Variants in C2CD5 observed in about 807,000 individuals in gnomAD.
C2CD5 encodes the protein C2 calcium dependent domain containing 5.
Under a neutral mutation model 130.3 loss-of-function variants are expected in C2CD5, and 109 were observed. The observed-to-expected ratio is 0.84, with a 90% confidence interval of 0.72 to 0.98. The LOEUF (loss-of-function observed/expected upper bound fraction) is 0.98. Ranked by LOEUF, C2CD5 falls within the 50% of genes least tolerant of loss-of-function variation. C2CD5 has a pLI of 0.00. For synonymous variants in C2CD5, 454 were observed against 429.2 expected (o/e 1.06, Z -0.71); for missense variants, 996 against 1,261.8 (o/e 0.79, Z 3.19).
At chr12:22,509,635 A>G (rs781042778) in intron 9 of C2CD5, among the ~76,000 whole-genome samples, 1 of 152,248 alleles carries the variant, frequency 6.6e-6, no homozygotes, top group Non-Finnish European at 1.5e-5. Context: ...TGAAATCTAT[A>G]GCAGATTGTT....
In C2CD5 at chr12:22,493,408, A is replaced by C; in HGVS notation, c.1148-71T>G. 5.2e-6 allele frequency: 4 copies of C among 763,224 alleles called. No individual in the cohort carries two copies. The South Asian group carries it at 7.7e-5, about 15-fold the overall frequency. 47.3% of individuals were successfully genotyped at this position (763,224 alleles called of 1,614,324 possible). On this transcript the variant is annotated intron_variant, in intron 10 of 26. Coordinates refer to ENST00000446597, the MANE Select transcript of C2CD5 (RefSeq NM_001286176.2). ...TATATATGAACATGAAATGTTTAAA[A>C]TAAACATACTATGGGAAGTAAAGAA...
chr12:22,481,944 A>AT (rs1390625843), intron 14 of C2CD5, among the ~76,000 whole-genome samples: 1 of 151,566 alleles, frequency 6.6e-6, no homozygotes, highest in Non-Finnish European at 1.5e-5. Flanking sequence ...AAACACCTGT[A>AT]TTTTATTACA....
intron 26 of C2CD5, among the ~76,000 whole-genome samples, chr12:22,452,956 A>G (rs1939020952): frequency 1.3e-5 from 2 of 152,206 alleles, no homozygotes; most frequent in Non-Finnish European, 2.9e-5. Flanking sequence ...AACTGCTTAT[A>G]TATTTATGAC....
intron 20 of C2CD5, 100 bp downstream of exon 20, chr12:22,471,299 A>G (rs1591982369): frequency 4.4e-6 from 3 of 688,188 alleles, no homozygotes; most frequent in Non-Finnish European, 5.1e-6. Flanking sequence ...GAGGTAAACT[A>G]GTATATGTTT....
At position 22,535,462 on chromosome 12, in the gene C2CD5, C is replaced by T. The variant is rs959091943; in HGVS notation, c.91-118G>A. On this transcript the variant is annotated intron_variant, in intron 2 of 26. Coordinates refer to ENST00000446597, the MANE Select transcript of C2CD5 (RefSeq NM_001286176.2). ...ATAAAGGGGACAAAAGACTATTATCCTCTGGGACAAAGGGAAGAAGGTACA... is the reference window on the plus strand; with the variant it reads ...ATAAAGGGGACAAAAGACTATTATCTTCTGGGACAAAGGGAAGAAGGTACA... 28 of 627,472 alleles carry T rather than the reference C, an allele frequency of 4.5e-5. No individual in the cohort carries two copies. The African/African-American group carries it at 5.2e-4, about 12-fold the overall frequency. 38.9% of individuals were successfully genotyped at this position (627,472 alleles called of 1,614,324 possible). A position where few individuals can be genotyped will look rare whatever the true frequency, so the allele number is the denominator to read the frequency against.
intron 25 of C2CD5, among the ~76,000 whole-genome samples, chr12:22,454,372 C>A (rs983150969): frequency 7.9e-5 from 12 of 152,168 alleles, no homozygotes; most frequent in Non-Finnish European, 1.5e-5. Context: ...CCTTCAACAT[C>A]TCCATCATAT....
intron 3 of C2CD5, among the ~76,000 whole-genome samples, chr12:22,528,434 G>T (rs1367017873): frequency 1.3e-5 from 2 of 152,150 alleles, no homozygotes; most frequent in Non-Finnish European, 2.9e-5. Flanking sequence ...GTTATCATAT[G>T]CCAAACACTG....
intron 7 of C2CD5, chr12:22,519,262 T>C: frequency 6.5e-7 from 1 of 1,531,846 alleles, no homozygotes; most frequent in Non-Finnish European, 8.7e-7. Context: ...GTGGTCAAAG[T>C]GGAAGAAAAG....
chr12:22,465,266 A>T (rs941051448), intron 22 of C2CD5, among the ~76,000 whole-genome samples: 7 of 150,076 alleles, frequency 4.7e-5, no homozygotes, highest in African/African-American at 9.9e-5. Flanking sequence ...GGTGGGTATT[A>T]AAAAAAAAGA....
chr12:22,516,266 A>C (rs1949712514), intron 8 of C2CD5, among the ~76,000 whole-genome samples: 1 of 151,914 alleles, frequency 6.6e-6, no homozygotes. Context: ...TGAAGTCTCC[A>C]TGAGAAATAG....
intron 5 of C2CD5, among the ~76,000 whole-genome samples, chr12:22,525,049 T>A (rs373636777): frequency 1.3e-5 from 2 of 152,336 alleles, no homozygotes; most frequent in South Asian, 4.1e-4. Context: ...GTACACCACA[T>A]AGCAGTTTCA....
intron 9 of C2CD5, 136 bp downstream of exon 9, chr12:22,513,158 C>T (rs1037198411): frequency 1.5e-5 from 8 of 539,010 alleles, no homozygotes; most frequent in African/African-American, 1.3e-4. Flanking sequence ...CACCTTAAAT[C>T]CATTTTGGAC....
intron 12 of C2CD5, 132 bp from the exon 13 acceptor site, chr12:22,485,020 A>G: frequency 2.3e-6 from 1 of 432,562 alleles, no homozygotes; most frequent in East Asian, 3.5e-5. Flanking sequence ...GTAGGCTACA[A>G]AAGTACCACT....
chr12:22,456,873 G>GT (rs1411327233), intron 25 of C2CD5, 98 bp downstream of exon 25: 4 of 671,980 alleles, frequency 6.0e-6, no homozygotes, highest in Non-Finnish European at 1.0e-5. Flanking sequence ...ATAAATATTT[G>GT]TAAGTTTTTG....
At chr12:22,465,518 GAAGT>G (rs904652133) in intron 22 of C2CD5, among the ~76,000 whole-genome samples, 92 of 152,112 alleles carry the variant, frequency 6.0e-4, no homozygotes, top group African/African-American at 2.0e-3. Flanking sequence ...ATATTTCTCT[GAAGT>G]AATATGCTAA....
At chr12:22,522,439 G>A (rs1016582431) in intron 7 of C2CD5, among the ~76,000 whole-genome samples, 4 of 152,132 alleles carry the variant, frequency 2.6e-5, no homozygotes, top group Middle Eastern at 3.2e-3. Flanking sequence ...ACACAATGAT[G>A]ACACACACAG....
intron 26 of C2CD5, among the ~76,000 whole-genome samples, chr12:22,451,154 C>T (rs2135928589): frequency 2.0e-5 from 3 of 151,562 alleles, no homozygotes; most frequent in Admixed American, 2.0e-4. Flanking sequence ...GAACAGCAGA[C>T]AAGGAGAGAC....
chr12:22,482,632 TTTTAG>T lies in C2CD5; in HGVS notation c.1657_1661del (p.Leu553ThrfsTer18). Reference sequence around the variant, plus strand: ...CAAACAAAGCATTCATTCCTTTGAGTTTTAGTTTATTCATTAGCTGAGTATGCACT... The same window carrying T: ...CAAACAAAGCATTCATTCCTTTGAGTTTTATTCATTAGCTGAGTATGCACT... On this transcript the variant is annotated frameshift_variant, in exon 14 of 27. Transcript: ENST00000446597. LOFTEE classifies it high-confidence loss of function. The T allele has an allele frequency of 1.9e-6, 3 of 1,613,498 alleles. No individual in the cohort carries two copies. The highest frequency in any genetic ancestry group is 2.5e-6 in the Non-Finnish European group (3 of 1,179,528).
At chr12:22,503,800 C>A (rs1948119416) in intron 10 of C2CD5, among the ~76,000 whole-genome samples, 1 of 152,148 alleles carries the variant, frequency 6.6e-6, no homozygotes, top group African/African-American at 2.4e-5. Context: ...GTGTAAGCAA[C>A]CGTGCCCAGT....
Sources: allele counts gnomAD v4.1 joint callset (sites outside exome capture counted in the v4.1 genomes callset), GRCh38; gene constraint gnomAD v4.1.1; transcripts MANE v1.5; gene names NCBI Gene and HGNC (gene_info 2026-07-23, HGNC 2026-07-21).